The following LARS2 variants were observed in gnomAD, a reference collection of about 807,000 sequenced individuals.
The protein encoded by LARS2 is leucine--tRNA ligase, mitochondrial.
Under a neutral mutation model 116.6 loss-of-function variants are expected in LARS2, and 81 were observed. The observed-to-expected ratio is 0.69, with a 90% CI of 0.58 to 0.84. LARS2 has a LOEUF of 0.84. Among genes scored for constraint, LARS2 ranks in the 40% least tolerant of loss-of-function variants. The pLI, the probability that LARS2 is intolerant of heterozygous loss-of-function variation, is 0.00. For synonymous variants in LARS2, 396 were observed against 407.2 expected (o/e 0.97, Z 0.33); for missense variants, 968 against 1,114.5 (o/e 0.87, Z 1.87).
chr3:45,430,003 CTTTTTTTTTTT>C (rs66989698), intron 6 of LARS2, among the ~76,000 whole-genome samples: 1 of 56,954 alleles, frequency 1.8e-5, no homozygotes, highest in Non-Finnish European at 2.9e-5. Context: ...TGCCCAGCCT[CTTTTTTTTTTT>C]TTTTTTTTTT....
At chr3:45,419,818 A>G (rs1698487583) in intron 6 of LARS2, 89 bp downstream of exon 6, 2 of 1,053,352 alleles carry the variant, frequency 1.9e-6, no homozygotes, top group South Asian at 1.3e-5. Flanking sequence ...AGTTGGGAGA[A>G]GGCAAGGGTG....
intron 14 of LARS2, among the ~76,000 whole-genome samples, chr3:45,499,224 C>A (rs1018833213): frequency 1.3e-5 from 2 of 152,096 alleles, no homozygotes; most frequent in African/African-American, 4.8e-5. Flanking sequence ...GGCAGATCAC[C>A]TGAGGTCAGA....
chr3:45,408,645 C>T (rs1441970590), intron 4 of LARS2, among the ~76,000 whole-genome samples: 1 of 152,210 alleles, frequency 6.6e-6, no homozygotes, highest in Non-Finnish European at 1.5e-5. Flanking sequence ...CTTCACTAAT[C>T]TAGTTCCATC....
intron 6 of LARS2, among the ~76,000 whole-genome samples, chr3:45,434,148 C>T (rs1049534685): frequency 2.6e-5 from 4 of 152,148 alleles, no homozygotes; most frequent in Non-Finnish European, 5.9e-5. Flanking sequence ...AGAATTTCAG[C>T]AATTAATTTT....
chr3:45,442,111 T>C lies in LARS2; in HGVS notation c.517-4780T>C, dbSNP rs185024815. Among the ~76,000 whole-genome samples, 10 of 152,338 alleles carry C rather than the reference T, an allele frequency of 6.6e-5. No individual in the cohort carries two copies. In the East Asian group the frequency reaches 1.9e-3, roughly 29 times the overall value. On this transcript the variant is annotated intron_variant, in intron 6 of 21. Transcript: ENST00000645846. ...GCTATAACTTTGAATTGCCTGACTT[T>C]TGTATTGAAAACAATGGTGCATTAA...
At position 45,500,534 on chromosome 3, in the gene LARS2, G is replaced by T; in HGVS notation, c.1715G>T (p.Arg572Ile). 1 of 1,572,704 alleles carries T rather than the reference G, an allele frequency of 6.4e-7. No individual in the cohort carries two copies. The highest frequency in any genetic ancestry group is 8.6e-7 in the Non-Finnish European group (1 of 1,165,192). ...GCCGTCATGCACTTGTTCTATGCAAGATTCTTTAGTCATTTTTGCCATGAT... is the reference window on the plus strand; with the variant it reads ...GCCGTCATGCACTTGTTCTATGCAATATTCTTTAGTCATTTTTGCCATGAT... ...EHAVMHLFYA[R>I]FFSHFCHDQK... Residue 572 changes from arginine to isoleucine, a missense_variant, in exon 15 of 22, where the codon AGA becomes ATA. Transcript: ENST00000645846.
chr3:45,489,785 A>G (rs560449129), intron 12 of LARS2, among the ~76,000 whole-genome samples: 2 of 152,290 alleles, frequency 1.3e-5, no homozygotes, highest in East Asian at 3.9e-4. Context: ...AGATACTCCG[A>G]TTTGATGGTT....
chr3:45,406,806 A>G (rs892159377), intron 4 of LARS2, among the ~76,000 whole-genome samples: 1 of 152,234 alleles, frequency 6.6e-6, no homozygotes, highest in Non-Finnish European at 1.5e-5. Flanking sequence ...ATTCTCTTTC[A>G]GTAATCAGAA....
chr3:45,423,195 A>T (rs1698541825), intron 6 of LARS2, among the ~76,000 whole-genome samples: 1 of 152,214 alleles, frequency 6.6e-6, no homozygotes, highest in African/African-American at 2.4e-5. Context: ...ATGTATGATA[A>T]GAAAAGTAGC....
intron 20 of LARS2, among the ~76,000 whole-genome samples, chr3:45,534,865 T>A (rs1456512959): frequency 6.6e-6 from 1 of 152,226 alleles, no homozygotes; most frequent in Non-Finnish European, 1.5e-5. Context: ...TTTTTTTCCT[T>A]CCTGAAGCTT....
At chr3:45,527,336 CT>C in intron 20 of LARS2, among the ~76,000 whole-genome samples, 1 of 152,064 alleles carries the variant, frequency 6.6e-6, no homozygotes, top group East Asian at 1.9e-4. Context: ...CTTAAGAAAT[CT>C]TATCTTGCCG....
At chr3:45,450,362 A>G (rs1575262900) in intron 7 of LARS2, among the ~76,000 whole-genome samples, 1 of 152,130 alleles carries the variant, frequency 6.6e-6, no homozygotes, top group African/African-American at 2.4e-5. Flanking sequence ...GTGTTTTTGT[A>G]CCCATGAACC....
intron 7 of LARS2, among the ~76,000 whole-genome samples, chr3:45,457,987 C>G (rs947110486): frequency 6.6e-6 from 1 of 152,110 alleles, no homozygotes; most frequent in Admixed American, 6.5e-5. Context: ...GAAGGCACAA[C>G]AGAGTTTTCT....
At chr3:45,444,004 CTTTT>C (rs11409535) in intron 6 of LARS2, among the ~76,000 whole-genome samples, 1 of 133,240 alleles carries the variant, frequency 7.5e-6, no homozygotes, top group Non-Finnish European at 1.6e-5. Flanking sequence ...GATCTATCCT[CTTTT>C]TTTTTTTTTT....
At chr3:45,462,418 C>A (rs1699342641) in intron 8 of LARS2, among the ~76,000 whole-genome samples, 3 of 22,874 alleles carry the variant, frequency 1.3e-4, no homozygotes, top group African/African-American at 1.5e-4. Context: ...CCAATTTCTA[C>A]CAAAAAAAAA....
At chr3:45,539,279 T>C (rs1214346160) in intron 20 of LARS2, among the ~76,000 whole-genome samples, 1 of 152,182 alleles carries the variant, frequency 6.6e-6, no homozygotes, top group African/African-American at 2.4e-5. Context: ...AAATATTTTT[T>C]CAAATTAAAA....
intron 6 of LARS2, among the ~76,000 whole-genome samples, chr3:45,442,629 C>G (rs767081718): frequency 2.0e-5 from 3 of 152,094 alleles, no homozygotes; most frequent in Non-Finnish European, 2.9e-5. Context: ...TGACATGTCT[C>G]TCCCCTGGTT....
chr3:45,454,837 G>GGA (rs1699188640), intron 7 of LARS2, among the ~76,000 whole-genome samples: 1 of 152,184 alleles, frequency 6.6e-6, no homozygotes, highest in Non-Finnish European at 1.5e-5. Flanking sequence ...GTGTAAGAGA[G>GGA]GAGACCTGAG....
At chr3:45,514,760 A>G (rs1700346697) in intron 16 of LARS2, among the ~76,000 whole-genome samples, 1 of 152,144 alleles carries the variant, frequency 6.6e-6, no homozygotes. Flanking sequence ...AGAAAGATAC[A>G]TTTTTTCCTA....
Sources: allele counts gnomAD v4.1 joint callset (sites outside exome capture counted in the v4.1 genomes callset), GRCh38; gene constraint gnomAD v4.1.1; transcripts MANE v1.5; gene names NCBI Gene and HGNC (gene_info 2026-07-23, HGNC 2026-07-21).